The following SMG5 variants were observed in gnomAD, a reference collection of about 807,000 sequenced individuals.
SMG5 encodes the protein nonsense-mediated mRNA decay factor SMG5.
Under a neutral mutation model 122.9 loss-of-function variants are expected in SMG5, and 53 were observed. The observed-to-expected ratio is 0.43, with a 90% CI of 0.35 to 0.54. The LOEUF is 0.54. Ranked by LOEUF, SMG5 falls within the 20% of genes least tolerant of loss-of-function variation. The pLI is 0.01. For synonymous variants in SMG5, 477 were observed against 490.2 expected (o/e 0.97, Z 0.35); for missense variants, 1,153 against 1,285.6 (o/e 0.90, Z 1.58).
the SMG5 span, chr1:156,290,059 G>C: frequency 1.3e-5 from 2 of 152,166 alleles, no homozygotes; most frequent in African/African-American, 4.8e-5. Context: ...TCATCTGCAA[G>C]AGGATAAATA....
At chr1:156,258,947 G>C (rs1309038318) in intron 16 of SMG5, 58 bp downstream of exon 16, 1 of 1,602,550 alleles carries the variant, frequency 6.2e-7, no homozygotes. Context: ...CTCTTGCCCT[G>C]GTTTCTCAGT....
the SMG5 span, chr1:156,291,279 C>T: frequency 1.0e-6 from 1 of 979,008 alleles, no homozygotes; most frequent in Non-Finnish European, 1.6e-6. Context: ...GCCATACCCA[C>T]CAACTGCATC....
At chr1:156,273,481 G>A (rs779919520) in intron 5 of SMG5, 31 bp from the exon 6 acceptor site, 11 of 1,599,684 alleles carry the variant, frequency 6.9e-6, no homozygotes, top group South Asian at 2.2e-5. Flanking sequence ...AGGGAAACTC[G>A]ATGATTTTAA....
chr1:156,253,652 G>C (rs1293826311), intron 16 of SMG5, 144 bp from the exon 17 acceptor site: 3 of 738,648 alleles, frequency 4.1e-6, no homozygotes, highest in Admixed American at 4.2e-5. Flanking sequence ...GAGGGGAGGA[G>C]AGGCATGGAA....
At chr1:156,280,928 T>C (rs1054298259) in intron 1 of SMG5, among the ~76,000 whole-genome samples, 1 of 152,224 alleles carries the variant, frequency 6.6e-6, no homozygotes, top group Non-Finnish European at 1.5e-5. Flanking sequence ...ATTAATTAAT[T>C]GGTGCTTCCA....
the SMG5 span, among the ~76,000 whole-genome samples, chr1:156,288,491 T>C: frequency 6.6e-6 from 1 of 151,914 alleles, no homozygotes; most frequent in Non-Finnish European, 1.5e-5. Flanking sequence ...TGAGCCACCA[T>C]GCCCAGCTAA....
chr1:156,268,233 A>G (rs201004180), intron 8 of SMG5, 50 bp from the exon 9 acceptor site: 2 of 1,614,062 alleles, frequency 1.2e-6, no homozygotes, highest in East Asian at 2.2e-5. Flanking sequence ...CGCAGTCCCT[A>G]TGGTCCTACT....
intron 9 of SMG5, 24 bp from the exon 10 acceptor site, chr1:156,267,702 G>A: frequency 1.9e-6 from 3 of 1,589,288 alleles, no homozygotes; most frequent in Non-Finnish European, 2.6e-6. Flanking sequence ...GGAGTAACAG[G>A]GGAGGTCAGT....
chr1:156,250,784 G>C, intron 21 of SMG5, 74 bp downstream of exon 21: 3 of 1,605,466 alleles, frequency 1.9e-6, no homozygotes, highest in Non-Finnish European at 2.6e-6. Flanking sequence ...GCTATGTGGA[G>C]GGTCTGGGGA....
At chr1:156,278,402 TCTCA>T (rs368273106) in intron 2 of SMG5, among the ~76,000 whole-genome samples, 2 of 149,198 alleles carry the variant, frequency 1.3e-5, no homozygotes, top group Non-Finnish European at 3.0e-5. Context: ...TGAGACAGGG[TCTCA>T]CTCACTCTGT....
chr1:156,267,350 G>A, intron 10 of SMG5, 120 bp downstream of exon 10: 1 of 1,008,636 alleles, frequency 9.9e-7, no homozygotes, highest in East Asian at 2.5e-5. Context: ...CAGCCAAGCA[G>A]TGACACAGGA....
chr1:156,286,589 G>A (rs1428305582), upstream of SMG5: 21 of 1,037,700 alleles, frequency 2.0e-5, no homozygotes, highest in Non-Finnish European at 2.7e-5. Context: ...TGGCCCAAAT[G>A]TGTGCCCTGG....
intron 12 of SMG5, 152 bp from the exon 13 acceptor site, chr1:156,263,722 C>A: frequency 1.3e-6 from 1 of 744,132 alleles, no homozygotes; most frequent in African/African-American, 1.8e-5. Context: ...CACTTACAGG[C>A]CCTTATTCAA....
At position 156,266,375 on chromosome 1, in the gene SMG5, G is replaced by T. The variant is rs1268721495; in HGVS notation, c.1261C>A (p.Pro421Thr). Reference sequence around the variant, plus strand: ...TTCTCCACAGGTTCCTTGGACTCTGGTTCATCTGCGGAAAGAGGAAGGTCA... The same window carrying T: ...TTCTCCACAGGTTCCTTGGACTCTGTTTCATCTGCGGAAAGAGGAAGGTCA... ...PAFQSDGTDEPESKEPVEKEE... is the reference protein window; with the variant it reads ...PAFQSDGTDETESKEPVEKEE... Residue 421 changes from proline (P) to threonine (T), a missense_variant, in exon 12 of 22, where the codon CCA (proline) becomes ACA (threonine). Physicochemically the swap from Pro to Thr is conservative, Grantham distance 38. Transcript: ENST00000361813. 1 of 1,610,360 alleles carries T rather than the reference G, an allele frequency of 6.2e-7. No individual in the cohort carries two copies. The highest frequency in any genetic ancestry group is 8.5e-7 in the Non-Finnish European group (1 of 1,177,410).
intron 7 of SMG5, among the ~76,000 whole-genome samples, chr1:156,268,976 T>G (rs1264807461): frequency 1.3e-5 from 2 of 150,296 alleles, no homozygotes; most frequent in African/African-American, 2.4e-5. Context: ...TCCAACTCTT[T>G]TTTTTTTTTT....
intron 7 of SMG5, among the ~76,000 whole-genome samples, chr1:156,270,072 T>TAA (rs2101546068): frequency 6.6e-6 from 1 of 152,112 alleles, no homozygotes; most frequent in African/African-American, 2.4e-5. Context: ...CCAATGACCT[T>TAA]AACACTCATG....
At chr1:156,269,866 C>G (rs1662328325) in intron 7 of SMG5, among the ~76,000 whole-genome samples, 1 of 152,130 alleles carries the variant, frequency 6.6e-6, no homozygotes, top group South Asian at 2.1e-4. Context: ...CAGTGCGAGA[C>G]TCCATCTCAA....
At chr1:156,258,700 G>A (rs923139423) in intron 16 of SMG5, among the ~76,000 whole-genome samples, 5 of 152,148 alleles carry the variant, frequency 3.3e-5, no homozygotes, top group African/African-American at 4.8e-5. Flanking sequence ...GGAGGCTGAG[G>A]CAGGAGAATC....
At position 156,266,605 on chromosome 1, in the gene SMG5, T is replaced by A; in HGVS notation, c.1191A>T (p.Ile397=). 2.5e-6 allele frequency: 4 copies of A among 1,614,094 alleles called. No individual in the cohort carries two copies. Among genetic ancestry groups the A allele is most frequent in the Non-Finnish European group, 3.4e-6 (4 of 1,180,020 alleles). Residue 397 remains isoleucine (I), a synonymous_variant, in exon 11 of 22, where the codon ATA becomes ATT. Transcript: ENST00000361813. The stretch of plus-strand genomic sequence containing the variant: ...CCTCTTCCAGCTCAGCCTGCAGCCG[T>A]ATGTTGACATGATTGACGAGGTGGG... ...LFSHLVNHVN[I]RLQAELEEGE...
Sources: allele counts gnomAD v4.1 joint callset (sites outside exome capture counted in the v4.1 genomes callset), GRCh38; gene constraint gnomAD v4.1.1; transcripts MANE v1.5; gene names NCBI Gene and HGNC (gene_info 2026-07-23, HGNC 2026-07-21).